EPHA5: variants seen among roughly 807,000 people sequenced by gnomAD.
EPHA5 encodes ephrin type-A receptor 5.
Under a neutral mutation model 105.0 loss-of-function variants are expected in EPHA5, and 60 were observed. The observed-to-expected ratio is 0.57, with a 90% CI of 0.46 to 0.71. EPHA5 has a LOEUF of 0.71. EPHA5 is among the 30% of genes least tolerant of loss of function. The pLI is 0.00. For missense variants in EPHA5, 1,218 were observed against 1,274.7 expected (o/e 0.96, Z 0.68); for synonymous variants, 513 against 449.1 (o/e 1.14, Z -1.80).
chr4:65,533,057 A>T (rs1010532925), intron 3 of EPHA5, among the ~76,000 whole-genome samples: 20 of 150,796 alleles, frequency 1.3e-4, no homozygotes, highest in Admixed American at 1.2e-3. Context: ...TTCCATTAAT[A>T]TTTTTTTTTC....
In EPHA5 at chr4:65,404,487, G is replaced by A. The variant is rs1158660400; in HGVS notation, c.1688-8C>T. The A allele has an allele frequency of 1.2e-6, 2 of 1,612,414 alleles. No homozygotes were observed. Among genetic ancestry groups the A allele is most frequent in the South Asian group, 2.2e-5 (2 of 91,030 alleles). ...CGCTGGATGCTGCAACTGCTGATAG[G>A]AGATACAGAAAATGGAGCTTGTGGT... On this transcript the variant is annotated splice_polypyrimidine_tract_variant and splice_region_variant and intron_variant, in intron 7 of 16. Coordinates refer to ENST00000613740, the MANE Select transcript of EPHA5 (RefSeq NM_001281766.3).
chr4:65,386,122 C>T (rs572448587), intron 8 of EPHA5, among the ~76,000 whole-genome samples: 209 of 151,864 alleles, frequency 1.4e-3, no homozygotes, highest in African/African-American at 4.7e-3. Context: ...TACTAAAACA[C>T]AAAAGTTGAC....
chr4:65,352,299 C>T (rs1487125144), intron 12 of EPHA5, among the ~76,000 whole-genome samples: 1 of 151,906 alleles, frequency 6.6e-6, no homozygotes, highest in African/African-American at 2.4e-5. Flanking sequence ...TTGCATAGGT[C>T]CCTCTTACAA....
chr4:65,338,649 C>A (rs1456658236), intron 14 of EPHA5, among the ~76,000 whole-genome samples: 1 of 152,038 alleles, frequency 6.6e-6, no homozygotes, highest in Non-Finnish European at 1.5e-5. Flanking sequence ...CAACTTAGAA[C>A]TGGGTCCAGG....
intron 3 of EPHA5, among the ~76,000 whole-genome samples, chr4:65,524,004 G>C (rs1213088482): frequency 6.6e-6 from 1 of 151,782 alleles, no homozygotes; most frequent in African/African-American, 2.4e-5. Context: ...CAATGAACTA[G>C]AAGAACGACT....
intron 1 of EPHA5, among the ~76,000 whole-genome samples, chr4:65,649,397 T>C (rs908640729): frequency 1.3e-5 from 2 of 152,174 alleles, no homozygotes; most frequent in Non-Finnish European, 1.5e-5. Context: ...CAGCTGAACA[T>C]AGCTTGAGAA....
chr4:65,410,161 C>T (rs1055517250), intron 7 of EPHA5, among the ~76,000 whole-genome samples: 3 of 152,274 alleles, frequency 2.0e-5, no homozygotes, highest in Non-Finnish European at 2.9e-5. Context: ...TCAGCCCTGA[C>T]ATCCTTCAAC....
chr4:65,557,233 G>GATATATAT (rs61008833), intron 3 of EPHA5, among the ~76,000 whole-genome samples: 2,620 of 90,806 alleles, frequency 0.029, 67 homozygotes, highest in African/African-American at 0.044. Flanking sequence ...TTTATACTGG[G>GATATATAT]ATATATATAT....
At chr4:65,578,579 A>T (rs1049953366) in intron 3 of EPHA5, among the ~76,000 whole-genome samples, 1 of 152,198 alleles carries the variant, frequency 6.6e-6, no homozygotes, top group Non-Finnish European at 1.5e-5. Flanking sequence ...ACTTGTGAAG[A>T]CTTCTACTAC....
intron 3 of EPHA5, among the ~76,000 whole-genome samples, chr4:65,522,316 G>GTATATATATATATATATATATA (rs58851174): frequency 1.5e-3 from 218 of 142,836 alleles, no homozygotes; most frequent in Admixed American, 2.4e-3. Context: ...ATATATATAT[G>GTATATATATATATATATATATA]TATATATATA....
chr4:65,487,735 C>T (rs959108174), intron 5 of EPHA5, among the ~76,000 whole-genome samples: 4 of 152,124 alleles, frequency 2.6e-5, no homozygotes, highest in African/African-American at 7.2e-5. Flanking sequence ...GCCCACCAAA[C>T]TATCTTTAAA....
At chr4:65,458,335 C>A (rs1050501987) in intron 5 of EPHA5, among the ~76,000 whole-genome samples, 6 of 152,108 alleles carry the variant, frequency 3.9e-5, no homozygotes, top group African/African-American at 1.4e-4. Flanking sequence ...ATTTACCTTT[C>A]CAAACATATC....
chr4:65,499,987 G>A (rs1000458496), intron 3 of EPHA5, among the ~76,000 whole-genome samples: 4 of 151,126 alleles, frequency 2.6e-5, no homozygotes, highest in East Asian at 1.9e-4. Context: ...GGAAAAAAAT[G>A]TTCTTCACAC....
chr4:65,476,117 A>AGTGTGTGTGTGT (rs1293931481), intron 5 of EPHA5, among the ~76,000 whole-genome samples: 24 of 127,854 alleles, frequency 1.9e-4, no homozygotes, highest in African/African-American at 4.6e-4. Context: ...AGAGAGAGAG[A>AGTGTGTGTGTGT]GAGAGAGAGA....
chr4:65,469,231 G>T (rs1249189246), intron 5 of EPHA5, among the ~76,000 whole-genome samples: 1 of 152,090 alleles, frequency 6.6e-6, no homozygotes, highest in Non-Finnish European at 1.5e-5. Flanking sequence ...TAATCAAAGT[G>T]TTCCTGGAAC....
In EPHA5 at chr4:65,490,440, C is replaced by T. The variant is rs1731287995; in HGVS notation, c.1339G>A (p.Val447Met). ...YTFEIEAVNGVSDLSPGARQY... is the reference protein window; with the variant it reads ...YTFEIEAVNGMSDLSPGARQY... ...CGGGCTCCTGGGCTCAAGTCGGACA[C>T]TCCATTCACTGCCTCAATCTCAAAG... The change falls in exon 5 of 17, where the codon GTG becomes ATG. Residue 447 changes from valine (V) to methionine (M), a missense_variant. Transcript: ENST00000613740. The T allele has an allele frequency of 6.2e-7, 1 of 1,614,136 alleles. No individual in the cohort carries two copies. The highest frequency in any genetic ancestry group is 8.5e-7 in the Non-Finnish European group (1 of 1,180,020).
chr4:65,413,821 A>T (rs1723137908), intron 7 of EPHA5, among the ~76,000 whole-genome samples: 1 of 152,192 alleles, frequency 6.6e-6, no homozygotes, highest in South Asian at 2.1e-4. Flanking sequence ...ACTTAAAGAC[A>T]GTGCCAGAGA....
At chr4:65,462,806 A>G (rs188894661) in intron 5 of EPHA5, among the ~76,000 whole-genome samples, 4 of 152,302 alleles carry the variant, frequency 2.6e-5, no homozygotes, top group African/African-American at 9.6e-5. Flanking sequence ...AGGGTTGGAG[A>G]AACAGACTCT....
chr4:65,571,535 TG>T (rs1223713194), intron 3 of EPHA5, among the ~76,000 whole-genome samples: 4 of 152,074 alleles, frequency 2.6e-5, no homozygotes, highest in Admixed American at 1.3e-4. Context: ...GACTGAACAA[TG>T]AGTAAGTTCA....
Sources: allele counts gnomAD v4.1 joint callset (sites outside exome capture counted in the v4.1 genomes callset), GRCh38; gene constraint gnomAD v4.1.1; transcripts MANE v1.5; gene names NCBI Gene and HGNC (gene_info 2026-07-23, HGNC 2026-07-21).